The following CAST variants were observed in gnomAD, a reference collection of about 807,000 sequenced individuals.
CAST encodes calpastatin, also known as MIR583 host.
A neutral mutation model predicts 119.6 loss-of-function variants in CAST; 76 were observed. The ratio of observed to expected loss-of-function variants is 0.64; its 90% CI spans 0.53 to 0.77. The LOEUF (loss-of-function observed/expected upper bound fraction) is 0.77. Ranked by LOEUF, CAST falls within the 30% of genes least tolerant of loss-of-function variation. The probability of loss-of-function intolerance (pLI) is 0.00; values close to 1 mark genes in which losing one functional copy is unlikely to be tolerated. For synonymous variants in CAST, 319 were observed against 331.6 expected (o/e 0.96, Z 0.41); for missense variants, 953 against 946.5 (o/e 1.01, Z -0.09).
At chr5:96,309,265 G>A in the CAST span, among the ~76,000 whole-genome samples, 4 of 152,146 alleles carry the variant, frequency 2.6e-5, no homozygotes, top group African/African-American at 7.2e-5. Context: ...GGGTAAAACC[G>A]CCTACTCAAG....
chr5:96,763,476 C>T (rs1422193589), intron 25 of CAST, among the ~76,000 whole-genome samples: 1 of 152,198 alleles, frequency 6.6e-6, no homozygotes, highest in East Asian at 1.9e-4. Context: ...TCTTAATATT[C>T]AGGCCAGAGA....
At chr5:96,654,179 A>G (rs1214053095) in intron 1 of CAST, among the ~76,000 whole-genome samples, 3 of 151,854 alleles carry the variant, frequency 2.0e-5, no homozygotes, top group Non-Finnish European at 4.4e-5. Context: ...GTGCACCACC[A>G]TGCCTGGCTA....
chr5:96,400,319 G>A, the CAST span: 1 of 700,006 alleles, frequency 1.4e-6, no homozygotes, highest in South Asian at 1.6e-5. Context: ...TTATTCTAGT[G>A]TCTATTACTG....
At chr5:96,662,071 G>A (rs1044965858), upstream of CAST, 2 of 228,544 alleles carry the variant, frequency 8.8e-6, no homozygotes, top group Non-Finnish European at 1.7e-5. Flanking sequence ...CTGCAAGCTA[G>A]ATCTGGGCAT....
the CAST span, among the ~76,000 whole-genome samples, chr5:96,501,977 CAA>C: frequency 5.9e-5 from 9 of 152,172 alleles, no homozygotes; most frequent in African/African-American, 1.9e-4. Context: ...CCTACAACAA[CAA>C]AGTCATCTAA....
chr5:96,508,014 TA>T, the CAST span, among the ~76,000 whole-genome samples: 7 of 149,026 alleles, frequency 4.7e-5, no homozygotes, highest in Non-Finnish European at 8.9e-5. Context: ...TTATTATTAT[TA>T]TTATTATTAT....
chr5:96,184,796 A>C, the CAST span, among the ~76,000 whole-genome samples: 1 of 152,204 alleles, frequency 6.6e-6, no homozygotes, highest in Non-Finnish European at 1.5e-5. Context: ...TGCTATTGTG[A>C]ATAGTGCTGC....
At chr5:96,005,920 G>C in the CAST span, among the ~76,000 whole-genome samples, 2 of 152,000 alleles carry the variant, frequency 1.3e-5, no homozygotes, top group East Asian at 1.9e-4. Context: ...AATAAAATTA[G>C]TTTTATTTTT....
the CAST span, chr5:96,318,835 A>G: frequency 2.6e-5 from 4 of 152,122 alleles, no homozygotes; most frequent in Non-Finnish European, 4.4e-5. Flanking sequence ...TCTTCTGGAA[A>G]ATGACATTAG....
chr5:96,571,368 C>A (rs1391322655), intron 1 of CAST, among the ~76,000 whole-genome samples: 1 of 152,214 alleles, frequency 6.6e-6, no homozygotes, highest in East Asian at 1.9e-4. Flanking sequence ...CTGCTCCACC[C>A]TTCCTCACAC....
At chr5:96,163,793 C>T in the CAST span, among the ~76,000 whole-genome samples, 2 of 152,180 alleles carry the variant, frequency 1.3e-5, no homozygotes, top group African/African-American at 4.8e-5. Context: ...CCCATTTTCT[C>T]TGGCAGAATG....
At chr5:96,446,727 G>C in the CAST span, among the ~76,000 whole-genome samples, 1 of 152,146 alleles carries the variant, frequency 6.6e-6, no homozygotes, top group Non-Finnish European at 1.5e-5. Flanking sequence ...TCAGGCATAA[G>C]GTTTGTGCCA....
intron 24 of CAST, among the ~76,000 whole-genome samples, chr5:96,760,623 A>G (rs1163075736): frequency 7.2e-5 from 11 of 151,936 alleles, no homozygotes; most frequent in Admixed American, 7.2e-4. Flanking sequence ...TAGATAATAC[A>G]TTTGTAAGTA....
In CAST at chr5:96,742,738, A is replaced by G. The variant is rs1057243124; in HGVS notation, c.1182A>G (p.Ser394=). The G allele has an allele frequency of 6.2e-7, 1 of 1,613,362 alleles. No homozygotes were observed. Among genetic ancestry groups the G allele is most frequent in the African/African-American group, 1.3e-5 (1 of 74,920 alleles). Residue 394 remains serine (S), a synonymous_variant, in exon 16 of 32, where the codon TCA becomes TCG. Coordinates refer to ENST00000675179, the MANE Select transcript of CAST (RefSeq NM_001750.7). The part of the protein sequence containing the change: ...RQAEPELDLR[S]IKEVDEAKAK... ...CAGAACCTGAGCTCGACCTCCGCTCAATTAAGGAAGTCGATGAGGTACTGA... is the reference window on the plus strand; with the variant it reads ...CAGAACCTGAGCTCGACCTCCGCTCGATTAAGGAAGTCGATGAGGTACTGA...
At chr5:96,316,096 C>T in the CAST span, among the ~76,000 whole-genome samples, 1 of 152,230 alleles carries the variant, frequency 6.6e-6, no homozygotes, top group Non-Finnish European at 1.5e-5. Flanking sequence ...AAATGCTTGT[C>T]TGTTTAAGCT....
chr5:96,735,683 C>T (rs775661035), intron 9 of CAST, among the ~76,000 whole-genome samples: 1 of 152,164 alleles, frequency 6.6e-6, no homozygotes, highest in African/African-American at 2.4e-5. Context: ...AAGTTGTTTG[C>T]AGTCTTTGAT....
At chr5:96,139,554 A>ATG in the CAST span, among the ~76,000 whole-genome samples, 1 of 86,392 alleles carries the variant, frequency 1.2e-5, no homozygotes, top group African/African-American at 4.7e-5. Flanking sequence ...ATATGTATAT[A>ATG]TATGTGTGTG....
the CAST span, among the ~76,000 whole-genome samples, chr5:96,320,964 A>G: frequency 1.3e-5 from 2 of 152,228 alleles, no homozygotes; most frequent in Non-Finnish European, 2.9e-5. Context: ...GCCATGATTC[A>G]GAAGTCAGAT....
chr5:96,413,821 C>A, the CAST span, among the ~76,000 whole-genome samples: 7 of 129,102 alleles, frequency 5.4e-5, 1 homozygote, highest in East Asian at 1.4e-3. Context: ...AAAAAAAATG[C>A]ATTTAGAAAA....
Sources: gnomAD v4.1 joint callset for allele counts (sites outside exome capture counted in the v4.1 genomes callset) on GRCh38, gnomAD v4.1.1 for gene constraint, MANE v1.5 for transcripts, NCBI Gene and HGNC (gene_info 2026-07-23, HGNC 2026-07-21) for gene names.